The following INSL6 variants were observed in gnomAD, a reference collection of about 807,000 sequenced individuals.
INSL6 encodes insulin like 6.
Under a neutral mutation model 9.4 loss-of-function variants are expected in INSL6, and 16 were observed. That is an observed-to-expected ratio of 1.70 (90% CI 1.15 to 2.59). INSL6 has a LOEUF of 2.59. Ranked by LOEUF, INSL6 falls within the 30% of genes most tolerant of loss-of-function variation. The pLI is 0.00. For synonymous variants in INSL6, 154 were observed against 96.9 expected, an observed-to-expected ratio of 1.59 and a Z score of -3.46; for missense variants, 391 against 257.3, an observed-to-expected ratio of 1.52 and a Z score of -3.56.
At chr9:5,104,706 A>C in the INSL6 span, among the ~76,000 whole-genome samples, 16 of 152,198 alleles carry the variant, frequency 1.1e-4, no homozygotes, top group African/African-American at 3.9e-4. Context: ...AAAGCTTATC[A>C]ACCACGATCA....
At chr9:5,122,958 C>T (rs753619602), downstream of INSL6, 4 of 1,200,726 alleles carry the variant, frequency 3.3e-6, no homozygotes, top group Admixed American at 2.0e-5. Context: ...ATCAAGAGTC[C>T]ACATATCAAG....
chr9:5,163,230 C>T (rs1269188974), downstream of INSL6, among the ~76,000 whole-genome samples: 1 of 152,188 alleles, frequency 6.6e-6, no homozygotes, highest in Non-Finnish European at 1.5e-5. Context: ...GATGCTGATG[C>T]TGCCGATTTG....
chr9:5,066,582 AGTTTTAGATTTGACTTTTGATT>A, the INSL6 span: 2 of 714,366 alleles, frequency 2.8e-6, no homozygotes, highest in Non-Finnish European at 5.0e-6. Context: ...CAATTCTGAC[AGTTTTAGATTTGACTTTTGATT>A]GTTTTAGATG....
chr9:5,133,094 T>C (rs1824322439), intron 3 of INSL6, among the ~76,000 whole-genome samples: 1 of 152,138 alleles, frequency 6.6e-6, no homozygotes, highest in African/African-American at 2.4e-5. Flanking sequence ...TGAAAACTGA[T>C]GTTGGAGGAT....
chr9:5,172,736 TG>T (rs1825212023), intron 1 of INSL6, among the ~76,000 whole-genome samples: 3 of 152,140 alleles, frequency 2.0e-5, no homozygotes, highest in Non-Finnish European at 2.9e-5. Flanking sequence ...GAGACCAGTC[TG>T]GCCAATGTAG....
chr9:5,168,413 T>C (rs1279694003), intron 1 of INSL6, among the ~76,000 whole-genome samples: 2 of 152,008 alleles, frequency 1.3e-5, no homozygotes, highest in African/African-American at 4.8e-5. Flanking sequence ...ACACAACACG[T>C]GAACTTCACG....
chr9:5,049,944 A>G, the INSL6 span, among the ~76,000 whole-genome samples: 4 of 152,192 alleles, frequency 2.6e-5, no homozygotes, highest in Non-Finnish European at 5.9e-5. Context: ...GATACAGTAA[A>G]AATGCAGTAT....
chr9:5,145,067 G>A (rs1366203765), intron 2 of INSL6, among the ~76,000 whole-genome samples: 1 of 152,130 alleles, frequency 6.6e-6, no homozygotes, highest in Non-Finnish European at 1.5e-5. Context: ...TTACTGGTCT[G>A]TATACTTCAA....
At chr9:5,043,914 A>C in the INSL6 span, among the ~76,000 whole-genome samples, 1 of 152,356 alleles carries the variant, frequency 6.6e-6, no homozygotes, top group Non-Finnish European at 1.5e-5. Context: ...AAAAACATTG[A>C]ATTTTACACT....
chr9:5,034,079 G>A, the INSL6 span, among the ~76,000 whole-genome samples: 1 of 152,088 alleles, frequency 6.6e-6, no homozygotes, highest in African/African-American at 2.4e-5. Context: ...AAAAAAGGCA[G>A]GGATTGCAAT....
chr9:5,028,688 A>C, the INSL6 span, among the ~76,000 whole-genome samples: 1 of 152,186 alleles, frequency 6.6e-6, no homozygotes, highest in African/African-American at 2.4e-5. Flanking sequence ...CCTCTCCATC[A>C]ACACTTGCTG....
chr9:5,081,897 C>A, the INSL6 span: 12 of 1,544,324 alleles, frequency 7.8e-6, no homozygotes, highest in Non-Finnish European at 1.1e-5. Context: ...AGAGTATAAT[C>A]ATTTCATTTA....
chr9:5,004,748 A>C, the INSL6 span, among the ~76,000 whole-genome samples: 1 of 151,964 alleles, frequency 6.6e-6, no homozygotes, highest in African/African-American at 2.4e-5. Context: ...TCCCACCAAG[A>C]GTATACAAGA....
At chr9:5,175,274 C>T (rs1030574721) in intron 1 of INSL6, among the ~76,000 whole-genome samples, 1 of 152,098 alleles carries the variant, frequency 6.6e-6, no homozygotes, top group Non-Finnish European at 1.5e-5. Context: ...CCTCATATCT[C>T]ACATCAAATA....
chr9:5,122,142 G>A (rs184736855), downstream of INSL6, among the ~76,000 whole-genome samples: 585 of 152,144 alleles, frequency 3.8e-3, 3 homozygotes, highest in African/African-American at 0.013. Flanking sequence ...AACTTAAATG[G>A]GATTTTGAAG....
chr9:5,024,662 T>C, the INSL6 span, among the ~76,000 whole-genome samples: 3 of 152,190 alleles, frequency 2.0e-5, no homozygotes, highest in South Asian at 2.1e-4. Flanking sequence ...AGTGTGTTTA[T>C]TGTTTGCCTC....
chr9:5,104,476 G>C, the INSL6 span, among the ~76,000 whole-genome samples: 1 of 152,196 alleles, frequency 6.6e-6, no homozygotes. Flanking sequence ...AATTCTCCTA[G>C]AGGTACAAAG....
the INSL6 span, among the ~76,000 whole-genome samples, chr9:5,030,238 G>A: frequency 6.6e-6 from 1 of 152,128 alleles, no homozygotes; most frequent in African/African-American, 2.4e-5. Context: ...GCAGCGTTTT[G>A]TGCAATAGAA....
the INSL6 span, among the ~76,000 whole-genome samples, chr9:5,016,743 C>T: frequency 6.6e-6 from 1 of 152,286 alleles, no homozygotes; most frequent in East Asian, 1.9e-4. Context: ...AGTTATTCTC[C>T]ATGCCCTCCC....
Sources: gnomAD v4.1 joint callset for allele counts (sites outside exome capture counted in the v4.1 genomes callset) on GRCh38, gnomAD v4.1.1 for gene constraint, MANE v1.5 for transcripts, NCBI Gene and HGNC (gene_info 2026-07-23, HGNC 2026-07-21) for gene names.